Variants in NTM observed in about 807,000 individuals in gnomAD.
NTM encodes neurotrimin, also known as IgLON family member 2.
In NTM, 13 loss-of-function variants were observed where a neutral mutation model predicts 42.1. That is an observed-to-expected ratio of 0.31 (90% confidence interval 0.20 to 0.49). The LOEUF (loss-of-function observed/expected upper bound fraction) is 0.49. Among genes scored for constraint, NTM ranks in the 20% least tolerant of loss-of-function variants. NTM has a pLI of 0.99. For synonymous variants in NTM, 187 were observed against 179.2 expected, an observed-to-expected ratio of 1.04 and a Z score of -0.35; for missense variants, 373 against 452.8, an observed-to-expected ratio of 0.82 and a Z score of 1.60.
chr11:131,872,685 G>A (rs917528709), intron 1 of NTM, among the ~76,000 whole-genome samples: 1 of 152,174 alleles, frequency 6.6e-6, no homozygotes, highest in South Asian at 2.1e-4. Context: ...GTCTAATTTG[G>A]TGATTCATAT....
intron 1 of NTM, among the ~76,000 whole-genome samples, chr11:131,769,204 T>G (rs1309479527): frequency 6.6e-6 from 1 of 152,220 alleles, no homozygotes; most frequent in Non-Finnish European, 1.5e-5. Flanking sequence ...TTTCCTAGGT[T>G]TAACATTTTA....
At chr11:131,475,795 G>A (rs1009955055) in intron 1 of NTM, among the ~76,000 whole-genome samples, 1 of 152,024 alleles carries the variant, frequency 6.6e-6, no homozygotes, top group African/African-American at 2.4e-5. Flanking sequence ...GAAAGACAAA[G>A]ATAATGAACT....
intron 3 of NTM, among the ~76,000 whole-genome samples, chr11:132,176,201 A>T (rs2076784852): frequency 6.6e-6 from 1 of 152,200 alleles, no homozygotes; most frequent in Admixed American, 6.5e-5. Context: ...GTCCTTTGGA[A>T]ATACACACAG....
intron 1 of NTM, among the ~76,000 whole-genome samples, chr11:131,799,611 T>G (rs1012454603): frequency 6.6e-6 from 1 of 152,090 alleles, no homozygotes; most frequent in Non-Finnish European, 1.5e-5. Flanking sequence ...AGTGGAGAGT[T>G]TGTTTCCATC....
intron 1 of NTM, among the ~76,000 whole-genome samples, chr11:131,504,153 T>C (rs943213796): frequency 1.3e-5 from 2 of 151,890 alleles, no homozygotes; most frequent in Admixed American, 1.3e-4. Context: ...TCCCTCCACA[T>C]CCCCCTGCCA....
At chr11:131,500,081 C>G (rs1591839740) in intron 1 of NTM, among the ~76,000 whole-genome samples, 1 of 152,174 alleles carries the variant, frequency 6.6e-6, no homozygotes, top group Admixed American at 6.5e-5. Context: ...GCTGTATGGA[C>G]CTGGCCCTGT....
chr11:131,667,610 G>A (rs991878392), intron 1 of NTM, among the ~76,000 whole-genome samples: 3 of 152,246 alleles, frequency 2.0e-5, no homozygotes, highest in African/African-American at 4.8e-5. Flanking sequence ...GTCATGGAGG[G>A]ACCCAGAGAA....
intron 1 of NTM, 24 bp downstream of exon 1, chr11:131,370,912 C>T (rs767443574): frequency 5.6e-6 from 9 of 1,612,678 alleles, no homozygotes; most frequent in Middle Eastern, 1.6e-4. Flanking sequence ...ATTGATTTGC[C>T]TTCGGTAGAC....
chr11:131,401,886 CAA>C (rs1399561195), intron 1 of NTM, among the ~76,000 whole-genome samples: 5 of 111,790 alleles, frequency 4.5e-5, no homozygotes, highest in East Asian at 2.9e-4. Context: ...GGACCTTCAC[CAA>C]GAGAGAGACT....
At chr11:132,324,569 A>G (rs2095639247) in intron 7 of NTM, among the ~76,000 whole-genome samples, 2 of 151,090 alleles carry the variant, frequency 1.3e-5, no homozygotes, top group South Asian at 4.2e-4. Flanking sequence ...GGTAGGAAGA[A>G]TCAATATCGT....
At chr11:131,514,085 G>A (rs1007844308) in intron 1 of NTM, among the ~76,000 whole-genome samples, 2 of 152,096 alleles carry the variant, frequency 1.3e-5, no homozygotes, top group African/African-American at 2.4e-5. Context: ...TGACAGCGTC[G>A]CTAATGTCCC....
intron 1 of NTM, among the ~76,000 whole-genome samples, chr11:131,866,539 C>A (rs929697092): frequency 6.6e-6 from 1 of 152,242 alleles, no homozygotes; most frequent in East Asian, 1.9e-4. Context: ...CTAAGACCCA[C>A]CTCACATTAA....
intron 1 of NTM, among the ~76,000 whole-genome samples, chr11:131,727,683 A>T (rs187994544): frequency 6.6e-6 from 1 of 152,332 alleles, no homozygotes; most frequent in East Asian, 1.9e-4. Context: ...TGGAACCAGG[A>T]AAGTCAGTCC....
chr11:131,737,106 G>T (rs1305271844), intron 1 of NTM, among the ~76,000 whole-genome samples: 4 of 152,172 alleles, frequency 2.6e-5, no homozygotes, highest in African/African-American at 7.2e-5. Context: ...GGTGTCAAGG[G>T]CAGGGAGGGA....
At chr11:132,302,028 T>A (rs1299248384) in intron 4 of NTM, among the ~76,000 whole-genome samples, 4 of 152,166 alleles carry the variant, frequency 2.6e-5, no homozygotes, top group Non-Finnish European at 5.9e-5. Flanking sequence ...AAATGTGGGA[T>A]TTTCTTTTCC....
intron 1 of NTM, chr11:131,371,178 T>C (rs1591482648): frequency 1.2e-6 from 1 of 801,134 alleles, no homozygotes; most frequent in Non-Finnish European, 1.5e-6. Context: ...TGCACATTCT[T>C]GCACACATAC....
chr11:131,748,074 A>G (rs2082040502), intron 1 of NTM, among the ~76,000 whole-genome samples: 1 of 152,264 alleles, frequency 6.6e-6, no homozygotes, highest in African/African-American at 2.4e-5. Flanking sequence ...TACTGTTCAT[A>G]TGAGATAAAG....
At chr11:132,182,658 C>T (rs61630690) in intron 3 of NTM, among the ~76,000 whole-genome samples, 12 of 152,204 alleles carry the variant, frequency 7.9e-5, no homozygotes, top group South Asian at 4.1e-4. Flanking sequence ...ATCTCTAATA[C>T]GTACTCTCTT....
In NTM at chr11:131,424,599, TC is replaced by T. The variant is rs1435080083; in HGVS notation, c.82+53712del. On this transcript the variant is annotated intron_variant, in intron 1 of 8. Coordinates refer to ENST00000683400, the MANE Select transcript of NTM (RefSeq NM_001352005.2). Reference sequence around the variant, plus strand: ...TAGTTGTTTTTTATTTCTTTTCTTTTCTTTTTTTTTTTTTTTTTTGGCGCAA... The same window carrying T: ...TAGTTGTTTTTTATTTCTTTTCTTTTTTTTTTTTTTTTTTTTTTGGCGCAA... Among the ~76,000 whole-genome samples, 28 of 126,376 alleles carry T rather than the reference TC, an allele frequency of 2.2e-4. 5 individuals carry two copies. The East Asian group carries it at 5.6e-3, about 25-fold the overall frequency. 82.9% of individuals were successfully genotyped at this position (126,376 alleles called of 152,430 possible).
Sources: allele counts gnomAD v4.1 joint callset (sites outside exome capture counted in the v4.1 genomes callset), GRCh38; gene constraint gnomAD v4.1.1; transcripts MANE v1.5; gene names NCBI Gene and HGNC (gene_info 2026-07-23, HGNC 2026-07-21).